Variants in SUN1 observed in about 807,000 individuals in gnomAD.
The protein encoded by SUN1 is Sad1 and UNC84 domain containing 1.
Under a neutral mutation model 103.2 loss-of-function variants are expected in SUN1, and 61 were observed. The observed-to-expected ratio is 0.59, with a 90% CI of 0.48 to 0.73. The LOEUF is 0.73. Ranked by LOEUF, SUN1 falls within the 30% of genes least tolerant of loss-of-function variation. The pLI is 0.00. For synonymous variants in SUN1, 490 were observed against 425.7 expected (o/e 1.15, Z -1.86); for missense variants, 1,052 against 1,034.6 (o/e 1.02, Z -0.23).
intron 1 of SUN1, among the ~76,000 whole-genome samples, chr7:826,619 C>T (rs938074846): frequency 2.6e-5 from 4 of 152,106 alleles, no homozygotes; most frequent in East Asian, 1.9e-4. Context: ...AGGTTTGAGT[C>T]GTAGGTGTGA....
chr7:857,914 A>G lies in SUN1; in HGVS notation c.1481A>G (p.His494Arg), dbSNP rs773780772. The G allele has an allele frequency of 1.2e-6, 2 of 1,601,670 alleles. No individual in the cohort carries two copies. The highest frequency in any genetic ancestry group is 1.3e-5 in the African/African-American group (1 of 74,730). ...AAGTCAGAGCTGTCCAGCTGGCGAC[A>G]CGTGAAGACCGGCTGTGAGACAGTG... ...QLKSELSSWR[H>R]VKTGCETVDA... Residue 494 changes from histidine (H) to arginine (R), a missense_variant, in exon 13 of 19, where the codon CAC (histidine) becomes CGC (arginine). Coordinates refer to ENST00000401592, the MANE Select transcript of SUN1 (RefSeq NM_001130965.3).
intron 1 of SUN1, among the ~76,000 whole-genome samples, chr7:838,482 C>T (rs1378640560): frequency 4.6e-5 from 7 of 152,140 alleles, no homozygotes; most frequent in Non-Finnish European, 8.8e-5. Context: ...ATAGCAAGGA[C>T]GTAGGTGGGG....
In SUN1 at chr7:863,104, T is replaced by C. The variant is rs577268758; in HGVS notation, c.1864+1640T>C. On this transcript the variant is annotated intron_variant, in intron 15 of 18. Coordinates refer to ENST00000401592, the MANE Select transcript of SUN1 (RefSeq NM_001130965.3). The stretch of plus-strand genomic sequence containing the variant: ...TTGCAGTAAGCTGAGATCGTGCCAC[T>C]GCACTCCAGCCTGGGTGACAGAGCG... Among the ~76,000 whole-genome samples the C allele has an allele frequency of 3.3e-5, 5 of 152,298 alleles. No individual in the cohort carries two copies. In the South Asian group the frequency reaches 8.3e-4, roughly 25 times the overall value.
chr7:844,984 T>C (rs967368639), intron 5 of SUN1, among the ~76,000 whole-genome samples: 6 of 152,218 alleles, frequency 3.9e-5, no homozygotes, highest in Non-Finnish European at 7.3e-5. Flanking sequence ...CAGTGTTTAT[T>C]GAGGCTGTGT....
chr7:830,742 A>G (rs1797153345), upstream of SUN1, among the ~76,000 whole-genome samples: 1 of 152,172 alleles, frequency 6.6e-6, no homozygotes, highest in South Asian at 2.1e-4. Context: ...AGAACTACTG[A>G]GTTAGCCCAG....
upstream of SUN1, among the ~76,000 whole-genome samples, chr7:829,868 T>G (rs890578146): frequency 6.6e-6 from 1 of 152,242 alleles, no homozygotes; most frequent in African/African-American, 2.4e-5. Context: ...CTGTTCTTTT[T>G]TAAAATTTAA....
intron 15 of SUN1, among the ~76,000 whole-genome samples, chr7:864,999 C>G (rs532383276): frequency 6.6e-6 from 1 of 152,138 alleles, no homozygotes; most frequent in East Asian, 1.9e-4. Context: ...TTCCCAGTCT[C>G]TGGTACCACC....
chr7:846,202 G>A (rs191502724), intron 5 of SUN1, among the ~76,000 whole-genome samples: 4 of 151,760 alleles, frequency 2.6e-5, no homozygotes, highest in African/African-American at 9.7e-5. Flanking sequence ...TCCACCTCCC[G>A]GGCTCAAGCG....
rs1358603300 is a variant in SUN1 at position 860,271 on chromosome 7, G to T, written c.1668G>T (p.Leu556=). 1 of 1,614,256 alleles carries T rather than the reference G, an allele frequency of 6.2e-7. No individual in the cohort carries two copies. The highest frequency in any genetic ancestry group is 1.1e-5 in the South Asian group (1 of 91,088). Residue 556 remains leucine (L), a synonymous_variant, in exon 14 of 19, where the codon CTG becomes CTT. Coordinates refer to ENST00000401592, the MANE Select transcript of SUN1 (RefSeq NM_001130965.3). ...AGACGATGCTGCGAGACCTGCAGCT[G>T]CAGATCCTGCGGAACGTCACCCACC... ...DLQTMLRDLQ[L]QILRNVTHHV... is the part of the protein sequence containing the mutation.
In SUN1 at chr7:817,361, C is replaced by T. The variant is rs977107604; in HGVS notation, c.-74+688C>T. 16 of 1,498,702 alleles carry T rather than the reference C, an allele frequency of 1.1e-5. No individual in the cohort carries two copies. In the African/African-American group the frequency reaches 1.9e-4, roughly 18 times the overall value. 92.8% of individuals were successfully genotyped at this position (1,498,702 alleles called of 1,614,324 possible). On this transcript the variant is annotated intron_variant, in intron 1 of 17. Coordinates refer to the SUN1 transcript ENST00000389574. ...GCCCCAGCCTGCCTGGAGGCGCGCG[C>T]GTGGTCTCCGCGCCCTGTTGCGCCT...
At chr7:856,443 T>A (rs1305081283) in intron 12 of SUN1, 42 bp downstream of exon 12, 1 of 1,610,362 alleles carries the variant, frequency 6.2e-7, no homozygotes, top group Admixed American at 1.7e-5. Flanking sequence ...CTTCGGTGTG[T>A]GTGTGTGGTT....
chr7:820,002 G>A (rs1199495214), intron 1 of SUN1, among the ~76,000 whole-genome samples: 2 of 152,182 alleles, frequency 1.3e-5, no homozygotes, highest in African/African-American at 4.8e-5. Flanking sequence ...TTGAAGCTAG[G>A]AAGTCGGGGT....
At chr7:853,334 CTGTT>C (rs563500530) in intron 9 of SUN1, 71 bp from the exon 10 acceptor site, 327 of 1,544,020 alleles carry the variant, frequency 2.1e-4, no homozygotes, top group African/African-American at 9.4e-4. Flanking sequence ...CTGTAGGACA[CTGTT>C]TGGAGGTTTA....
Position 836,728 on chromosome 7 carries a change from C to T in SUN1, c.78-2070C>T, listed in dbSNP as rs552850254. On this transcript the variant is annotated intron_variant, in intron 1 of 18. Coordinates refer to ENST00000401592, the MANE Select transcript of SUN1 (RefSeq NM_001130965.3). Reference sequence around the variant, plus strand: ...AAATGTTACTGTCATCCAGAAATAACCTCACAGATACACTCAGAATAATGT... The same window carrying T: ...AAATGTTACTGTCATCCAGAAATAATCTCACAGATACACTCAGAATAATGT... Among the ~76,000 whole-genome samples, 130 of 152,342 alleles carry T rather than the reference C, an allele frequency of 8.5e-4. 1 individual carries two copies. The highest frequency in any genetic ancestry group is 1.9e-3 in the Admixed American group (29 of 15,304).
intron 1 of SUN1, chr7:817,293 C>G: frequency 2.4e-6 from 2 of 839,738 alleles, no homozygotes; most frequent in Non-Finnish European, 3.9e-6. Context: ...TGTGGTCTCT[C>G]CATGCTGCCC....
At chr7:820,835 T>G (rs544877169) in intron 1 of SUN1, among the ~76,000 whole-genome samples, 10 of 152,310 alleles carry the variant, frequency 6.6e-5, no homozygotes, top group African/African-American at 2.4e-4. Context: ...TTGAAAAGAT[T>G]GTGAGTATTC....
At chr7:843,574 T>C in intron 5 of SUN1, 54 bp downstream of exon 5, 2 of 1,613,556 alleles carry the variant, frequency 1.2e-6, no homozygotes, top group Non-Finnish European at 8.5e-7. Flanking sequence ...AAATTTAATA[T>C]TTCCTTTCTG....
chr7:873,084 C>T (rs1585429225), intron 18 of SUN1, 131 bp from the exon 19 acceptor site: 3 of 860,454 alleles, frequency 3.5e-6, no homozygotes, highest in Non-Finnish European at 5.7e-6. Flanking sequence ...AAGACTCTGT[C>T]TCAACAACAA....
chr7:872,233 G>A (rs573920422), intron 17 of SUN1, among the ~76,000 whole-genome samples: 3 of 152,258 alleles, frequency 2.0e-5, no homozygotes, highest in Admixed American at 1.3e-4. Flanking sequence ...TTCCTAATGT[G>A]TATAACGGGG....
Sources: gnomAD v4.1 joint callset for allele counts (sites outside exome capture counted in the v4.1 genomes callset) on GRCh38, gnomAD v4.1.1 for gene constraint, MANE v1.5 for transcripts, NCBI Gene and HGNC (gene_info 2026-07-23, HGNC 2026-07-21) for gene names.